AGO3: variants seen among roughly 807,000 people sequenced by gnomAD.
AGO3 encodes argonaute RISC catalytic component 3.
AGO3 carries 16 observed loss-of-function variants against 105.5 expected under a neutral mutation model. The observed-to-expected ratio is 0.15, with a 90% confidence interval of 0.10 to 0.23. AGO3 has a LOEUF of 0.23. AGO3 is among the 10% of genes least tolerant of loss of function. The probability of loss-of-function intolerance (pLI) is 1.00; values close to 1 mark genes in which losing one functional copy is unlikely to be tolerated. For missense variants in AGO3, 534 were observed against 1,088.0 expected (o/e 0.49, Z 7.16); for synonymous variants, 340 against 367.3 (o/e 0.93, Z 0.85).
At chr1:35,957,725 C>CA (rs1394620110) in intron 2 of AGO3, among the ~76,000 whole-genome samples, 1 of 151,122 alleles carries the variant, frequency 6.6e-6, no homozygotes, top group South Asian at 2.1e-4. Context: ...GATTCCATCT[C>CA]AAAAAAACAA....
At chr1:35,995,199 T>TAAAAAAA (rs1295296314) in intron 5 of AGO3, among the ~76,000 whole-genome samples, 3 of 110,636 alleles carry the variant, frequency 2.7e-5, no homozygotes, top group Admixed American at 2.0e-4. Context: ...AGACACTGTC[T>TAAAAAAA]AAAAAAAAAA....
At chr1:35,990,731 G>C (rs1026591167) in intron 5 of AGO3, among the ~76,000 whole-genome samples, 6 of 152,266 alleles carry the variant, frequency 3.9e-5, no homozygotes, top group Middle Eastern at 3.4e-3. Context: ...AAAAATTCTA[G>C]TAAATAATTT....
intron 6 of AGO3, among the ~76,000 whole-genome samples, chr1:36,006,853 C>G (rs1247110151): frequency 1.3e-5 from 2 of 152,188 alleles, no homozygotes; most frequent in African/African-American, 4.8e-5. Context: ...TTGTTCTGAT[C>G]TATCAGAAGA....
chr1:35,985,245 G>GT (rs1364049762), intron 5 of AGO3, among the ~76,000 whole-genome samples: 2 of 152,140 alleles, frequency 1.3e-5, no homozygotes, highest in African/African-American at 2.4e-5. Context: ...TCTCACCACT[G>GT]TACTCCAGCC....
chr1:35,989,924 A>G (rs1274375797), intron 5 of AGO3, among the ~76,000 whole-genome samples: 2 of 152,152 alleles, frequency 1.3e-5, no homozygotes, highest in Non-Finnish European at 2.9e-5. Flanking sequence ...TGTTAGTTAT[A>G]TCTCCCTTAA....
intron 5 of AGO3, among the ~76,000 whole-genome samples, chr1:35,993,715 G>C (rs997668527): frequency 2.0e-5 from 3 of 148,168 alleles, no homozygotes; most frequent in Admixed American, 6.7e-5. Context: ...AATAGAAAAG[G>C]CTTCCCCAAC....
At position 36,016,851 on chromosome 1, in the gene AGO3, G is replaced by A. The variant is rs1569801753; in HGVS notation, c.1406+2803G>A. 2.0e-5 allele frequency among the ~76,000 whole-genome samples: 3 copies of A among 152,094 alleles called. No individual in the cohort carries two copies. In the East Asian group the frequency reaches 5.8e-4, roughly 29 times the overall value. On this transcript the variant is annotated intron_variant, in intron 11 of 18. Transcript: ENST00000373191. ...TAATGTTTCAGTGTAATTGTCTCAC[G>A]CTTAGCATGAGTGACTCCATTTTGG...
At chr1:35,968,149 ATTGG>A (rs1178292593) in intron 3 of AGO3, among the ~76,000 whole-genome samples, 3 of 152,130 alleles carry the variant, frequency 2.0e-5, no homozygotes, top group African/African-American at 4.8e-5. Flanking sequence ...ATTGGTGATT[ATTGG>A]TGATGTTAAC....
At chr1:35,975,164 CATT>C (rs1445959162) in intron 5 of AGO3, among the ~76,000 whole-genome samples, 2 of 152,236 alleles carry the variant, frequency 1.3e-5, no homozygotes, top group Non-Finnish European at 1.5e-5. Flanking sequence ...TAATTTGTAT[CATT>C]GTTGCCAGAT....
At chr1:35,959,904 ATT>A (rs1383743362) in intron 2 of AGO3, among the ~76,000 whole-genome samples, 4 of 151,892 alleles carry the variant, frequency 2.6e-5, no homozygotes, top group African/African-American at 9.7e-5. Context: ...TATTATACAT[ATT>A]TGTTTTTTTA....
chr1:35,985,134 T>A (rs1647141938), intron 5 of AGO3, among the ~76,000 whole-genome samples: 1 of 151,836 alleles, frequency 6.6e-6, no homozygotes, highest in Non-Finnish European at 1.5e-5. Flanking sequence ...GACAAAAAAA[T>A]TAGCCAGGCG....
rs1643023527 is a variant in AGO3, at chr1:36,061,246, A to G, written c.*5501A>G. The stretch of plus-strand genomic sequence containing the variant: ...TAATCTCACACACACACACAAAGGG[A>G]AAAATTATTTTGACTTTTTTCCTAC... On this transcript the variant is annotated 3_prime_UTR_variant, in exon 19 of 19. Transcript: ENST00000373191. 6.6e-6 allele frequency: 1 copy of G among 152,064 alleles called. No individual in the cohort carries two copies. The highest frequency in any genetic ancestry group is 2.4e-5 in the African/African-American group (1 of 41,386). The allele number at this position is 152,064 out of a possible 1,614,324, so 9.4% of individuals were successfully genotyped here.
intron 5 of AGO3, among the ~76,000 whole-genome samples, chr1:36,002,594 A>G (rs755395971): frequency 2.0e-5 from 3 of 152,044 alleles, no homozygotes; most frequent in Non-Finnish European, 4.4e-5. Context: ...GGCCTCCCAA[A>G]GTGCTGGGAT....
chr1:35,962,165 A>G (rs964159792), intron 2 of AGO3, among the ~76,000 whole-genome samples: 4 of 152,138 alleles, frequency 2.6e-5, no homozygotes, highest in African/African-American at 9.7e-5. Context: ...ATAGTTTTCT[A>G]AGGTGGAAAA....
chr1:35,994,595 T>C (rs1317955586), intron 5 of AGO3, among the ~76,000 whole-genome samples: 2 of 147,422 alleles, frequency 1.4e-5, no homozygotes, highest in East Asian at 4.3e-4. Context: ...AAAACTCTGT[T>C]TGTAGAAGAC....
Position 36,055,741 on chromosome 1 carries a change from C to T in AGO3, c.2579C>T (p.Ala860Val). ...HQDTLRTMYFA is the reference protein window; with the variant it reads ...HQDTLRTMYFV ...GATACCTTACGCACAATGTACTTCG[C>T]TTAAATAGTCCAAGTATATTCTCTG... is the stretch of plus-strand genomic sequence containing the variant. Residue 860 changes from alanine to valine, a missense_variant, in exon 19 of 19, where the codon GCT (alanine) becomes GTT (valine). Transcript: ENST00000373191. This position sits in a 1 kb window ranked among gnomAD's most constrained non-coding sequence, Gnocchi z 4.4. 1 of 1,613,712 alleles carries T rather than the reference C, an allele frequency of 6.2e-7. No homozygotes were observed. The highest frequency in any genetic ancestry group is 8.5e-7 in the Non-Finnish European group (1 of 1,179,668).
At chr1:35,986,547 G>T (rs140528109) in intron 5 of AGO3, among the ~76,000 whole-genome samples, 1 of 152,188 alleles carries the variant, frequency 6.6e-6, no homozygotes, top group East Asian at 1.9e-4. Context: ...ACATTAGCCA[G>T]GTGTGGTAGT....
At chr1:36,019,495 G>A (rs545569110) in intron 11 of AGO3, among the ~76,000 whole-genome samples, 3 of 152,306 alleles carry the variant, frequency 2.0e-5, no homozygotes, top group Middle Eastern at 3.4e-3. Flanking sequence ...CTTCAGCAAT[G>A]TTCTATGAGA....
At chr1:35,983,511 G>A (rs1647098642) in intron 5 of AGO3, 1 of 151,980 alleles carries the variant, frequency 6.6e-6, no homozygotes, top group Non-Finnish European at 1.5e-5. Flanking sequence ...GGTGGCTTGA[G>A]CCCAGGATAT....
Sources: gnomAD v4.1 joint callset for allele counts (sites outside exome capture counted in the v4.1 genomes callset) on GRCh38, gnomAD v4.1.1 for gene constraint, Gnocchi (gnomAD v3.1) non-coding constraint, MANE v1.5 for transcripts, NCBI Gene and HGNC (gene_info 2026-07-23, HGNC 2026-07-21) for gene names.